The following VTI1A variants were observed in gnomAD, a reference collection of about 807,000 sequenced individuals.
VTI1A encodes vesicle transport through interaction with t-SNAREs homolog 1A.
A neutral mutation model predicts 34.9 loss-of-function variants in VTI1A; 22 were observed. The ratio of observed to expected loss-of-function variants is 0.63; its 90% CI spans 0.45 to 0.90. VTI1A has a LOEUF of 0.90. Ranked by LOEUF, VTI1A falls within the 40% of genes least tolerant of loss-of-function variation. The pLI is 0.00. For missense variants in VTI1A, 268 were observed against 275.6 expected (o/e 0.97, Z 0.20); for synonymous variants, 87 against 97.3 (o/e 0.89, Z 0.62).
At chr10:112,799,715 T>G (rs549425157) in intron 7 of VTI1A, among the ~76,000 whole-genome samples, 5 of 152,118 alleles carry the variant, frequency 3.3e-5, no homozygotes, top group Non-Finnish European at 7.4e-5. Context: ...AGAGTTCACC[T>G]GCGCAGATCT....
chr10:112,837,140 G>A, the VTI1A span, among the ~76,000 whole-genome samples: 1 of 152,180 alleles, frequency 6.6e-6, no homozygotes, highest in Non-Finnish European at 1.5e-5. Flanking sequence ...GGCCAACATG[G>A]TGAAACCCGT....
At chr10:112,850,419 G>T in the VTI1A span, among the ~76,000 whole-genome samples, 1 of 151,302 alleles carries the variant, frequency 6.6e-6, no homozygotes, top group Non-Finnish European at 1.5e-5. Context: ...GTGAAATTAG[G>T]TTAAAGTAAA....
At chr10:112,497,022 A>G (rs1444208722) in intron 3 of VTI1A, among the ~76,000 whole-genome samples, 3 of 152,320 alleles carry the variant, frequency 2.0e-5, no homozygotes, top group Non-Finnish European at 1.5e-5. Flanking sequence ...ATTGATTATT[A>G]TAAAGTGATT....
At chr10:112,474,114 T>A (rs577437004) in intron 3 of VTI1A, among the ~76,000 whole-genome samples, 3 of 151,960 alleles carry the variant, frequency 2.0e-5, no homozygotes, top group Non-Finnish European at 2.9e-5. Flanking sequence ...TAGGGTGGAG[T>A]GCAGTGGTGT....
At chr10:112,753,920 C>T (rs1406496551) in intron 7 of VTI1A, among the ~76,000 whole-genome samples, 4 of 152,106 alleles carry the variant, frequency 2.6e-5, no homozygotes, top group African/African-American at 9.7e-5. Flanking sequence ...GCATCCTTTC[C>T]ACCATCAAGT....
In VTI1A at chr10:112,658,452, T is replaced by C. The variant is rs180702715; in HGVS notation, c.428-9766T>C. Among the ~76,000 whole-genome samples the C allele has an allele frequency of 3.3e-3, 505 of 152,224 alleles. 4 individuals are homozygous for C. Among genetic ancestry groups the C allele is most frequent in the Non-Finnish European group, 2.8e-3 (192 of 68,022 alleles). The stretch of plus-strand genomic sequence containing the variant: ...AATCTTTGATTCTATTGTTACAAAT[T>C]TATAAAGGACTTGACCATATTTTTA... On this transcript the variant is annotated intron_variant, in intron 5 of 7. Coordinates refer to ENST00000393077, the MANE Select transcript of VTI1A (RefSeq NM_145206.4).
intron 7 of VTI1A, among the ~76,000 whole-genome samples, chr10:112,744,385 C>T (rs1301370304): frequency 6.6e-6 from 1 of 151,712 alleles, no homozygotes; most frequent in Non-Finnish European, 1.5e-5. Flanking sequence ...TTATGGTGTT[C>T]TACCCCCAGA....
chr10:112,453,715 A>G (rs1011355753), intron 1 of VTI1A, among the ~76,000 whole-genome samples: 3 of 151,128 alleles, frequency 2.0e-5, no homozygotes, highest in African/African-American at 7.3e-5. Context: ...AGTATAAGAT[A>G]CTCCAGGATC....
intron 3 of VTI1A, among the ~76,000 whole-genome samples, chr10:112,471,182 A>G (rs1848062096): frequency 6.6e-6 from 1 of 152,112 alleles, no homozygotes. Context: ...GTGGCTTATC[A>G]TAGAATATAA....
chr10:112,677,821 G>T (rs1171370835), intron 7 of VTI1A: 1 of 152,238 alleles, frequency 6.6e-6, no homozygotes, highest in African/African-American at 2.4e-5. Context: ...CCAAAAGAAT[G>T]AGGAGTTGCT....
At chr10:112,712,474 T>TCACACACACACACA (rs60129148) in intron 7 of VTI1A, among the ~76,000 whole-genome samples, 68 of 143,484 alleles carry the variant, frequency 4.7e-4, no homozygotes, top group African/African-American at 1.5e-3. Flanking sequence ...TCAACTATTA[T>TCACACACACACACA]CACACACACA....
At chr10:112,640,303 C>T (rs1044342474) in intron 5 of VTI1A, among the ~76,000 whole-genome samples, 1 of 152,050 alleles carries the variant, frequency 6.6e-6, no homozygotes. Flanking sequence ...CATAAAGTCC[C>T]ACTGTTCTAA....
intron 1 of VTI1A, among the ~76,000 whole-genome samples, chr10:112,456,033 C>T (rs1372687617): frequency 2.0e-5 from 3 of 152,028 alleles, no homozygotes; most frequent in African/African-American, 7.3e-5. Flanking sequence ...CTTAGTGGCC[C>T]CTACCATGTA....
chr10:112,824,285 T>A, the VTI1A span: 1 of 152,276 alleles, frequency 6.6e-6, no homozygotes, highest in East Asian at 1.9e-4. Context: ...ACAGAAAAAC[T>A]CAGTTTTCGG....
chr10:112,783,964 TCAGAGTG>T (rs1852210760), intron 7 of VTI1A, among the ~76,000 whole-genome samples: 1 of 152,142 alleles, frequency 6.6e-6, no homozygotes, highest in Non-Finnish European at 1.5e-5. Context: ...GTCATCTGTG[TCAGAGTG>T]AAAGGAAAGA....
the VTI1A span, among the ~76,000 whole-genome samples, chr10:112,850,742 A>C: frequency 6.6e-6 from 1 of 152,218 alleles, no homozygotes; most frequent in Non-Finnish European, 1.5e-5. Context: ...CAAGTGCAAA[A>C]TAAAAACGTG....
At chr10:112,741,762 G>A (rs544959447) in intron 7 of VTI1A, among the ~76,000 whole-genome samples, 311 of 152,142 alleles carry the variant, frequency 2.0e-3, no homozygotes, top group Non-Finnish European at 3.8e-3. Flanking sequence ...TAGAAAAAAG[G>A]GGGAAATGCT....
rs565792182 is a variant in VTI1A at position 112,557,729 on chromosome 10, G to A, written c.427+19399G>A. Among the ~76,000 whole-genome samples the A allele has an allele frequency of 5.3e-5, 8 of 152,212 alleles. No individual in the cohort carries two copies. The South Asian group carries it at 1.0e-3, about 20-fold the overall frequency. ...TACTGGAGATTTTTCTGTAAAGCTT[G>A]CTTTCTCCAGTGAGCCCATCTTTCT... On this transcript the variant is annotated intron_variant, in intron 5 of 7. Coordinates refer to ENST00000393077, the MANE Select transcript of VTI1A (RefSeq NM_145206.4).
intron 7 of VTI1A, among the ~76,000 whole-genome samples, chr10:112,776,037 G>A (rs1183280308): frequency 6.6e-6 from 1 of 152,234 alleles, no homozygotes; most frequent in Non-Finnish European, 1.5e-5. Flanking sequence ...AACCTCCAGT[G>A]AGAGCCTGGG....
Sources: allele counts gnomAD v4.1 joint callset (sites outside exome capture counted in the v4.1 genomes callset), GRCh38; gene constraint gnomAD v4.1.1; transcripts MANE v1.5; gene names NCBI Gene and HGNC (gene_info 2026-07-23, HGNC 2026-07-21).